The following QSOX2 variants were observed in gnomAD, a reference collection of about 807,000 sequenced individuals.
QSOX2 encodes the protein quiescin sulfhydryl oxidase 2, also known as sulfhydryl oxidase 2.
Under a neutral mutation model 61.7 loss-of-function variants are expected in QSOX2, and 46 were observed. The ratio of observed to expected loss-of-function variants is 0.75; its 90% confidence interval spans 0.59 to 0.95. The LOEUF (loss-of-function observed/expected upper bound fraction) is 0.95. Among genes scored for constraint, QSOX2 ranks in the 40% least tolerant of loss-of-function variants. The probability of loss-of-function intolerance (pLI) is 0.00; values close to 1 mark genes in which losing one functional copy is unlikely to be tolerated. For missense variants in QSOX2, 879 were observed against 918.9 expected, an observed-to-expected ratio of 0.96 and a Z score of 0.56; for synonymous variants, 383 against 388.4, an observed-to-expected ratio of 0.99 and a Z score of 0.16.
intron 1 of QSOX2, among the ~76,000 whole-genome samples, chr9:136,240,083 C>T (rs1048101932): frequency 7.1e-6 from 1 of 140,150 alleles, no homozygotes; most frequent in Non-Finnish European, 1.5e-5. Flanking sequence ...TTAGAGCCAG[C>T]TGAGAGGCAC....
At chr9:136,219,247 T>C in intron 6 of QSOX2, 83 bp from the exon 7 acceptor site, 1 of 1,486,612 alleles carries the variant, frequency 6.7e-7, no homozygotes, top group Non-Finnish European at 9.0e-7. Flanking sequence ...AGGACAGCTC[T>C]GGGCCACCCC....
intron 1 of QSOX2, among the ~76,000 whole-genome samples, chr9:136,228,665 G>A (rs929510998): frequency 3.9e-5 from 6 of 152,220 alleles, no homozygotes; most frequent in East Asian, 1.9e-4. Flanking sequence ...GTGCAGAGGC[G>A]AGACCCAGGC....
At chr9:136,226,246 T>C (rs1047911771) in intron 2 of QSOX2, among the ~76,000 whole-genome samples, 1 of 152,180 alleles carries the variant, frequency 6.6e-6, no homozygotes, top group African/African-American at 2.4e-5. Flanking sequence ...GGTACACACA[T>C]GCTATGCACG....
Position 136,222,582 on chromosome 9 carries a change from G to A in QSOX2, c.676-641C>T, listed in dbSNP as rs74526389. Among the ~76,000 whole-genome samples, 6,789 of 152,276 alleles carry A rather than the reference G, an allele frequency of 0.045. 224 individuals are homozygous for A. The highest frequency in any genetic ancestry group is 0.066 in the Non-Finnish European group (4,508 of 68,026). ...TGTGAACTGGGCGCCCCGCGTGGCCGTGCCTCTCCTGAGCTGGGTGTGTCT... is the reference window on the plus strand; with the variant it reads ...TGTGAACTGGGCGCCCCGCGTGGCCATGCCTCTCCTGAGCTGGGTGTGTCT... On this transcript the variant is annotated intron_variant, in intron 5 of 11. Transcript: ENST00000358701. This position sits in a 1 kb window ranked among gnomAD's most constrained non-coding sequence, Gnocchi z 6.9.
At chr9:136,214,341 C>T (rs116408628) in intron 10 of QSOX2, among the ~76,000 whole-genome samples, 2,618 of 152,334 alleles carry the variant, frequency 0.017, 68 homozygotes, top group African/African-American at 0.059. Context: ...CCTATACTCA[C>T]GCCTCCTGTA....
chr9:136,232,451 T>C (rs1415773573), intron 1 of QSOX2, among the ~76,000 whole-genome samples: 2 of 152,118 alleles, frequency 1.3e-5, no homozygotes, highest in Admixed American at 6.5e-5. Context: ...CCTAGAAATA[T>C]ACAAAAAATT....
At chr9:136,228,095 G>A (rs1830299340) in intron 1 of QSOX2, among the ~76,000 whole-genome samples, 1 of 152,170 alleles carries the variant, frequency 6.6e-6, no homozygotes, top group Non-Finnish European at 1.5e-5. Flanking sequence ...TGGCATTTCT[G>A]TAACAGGGCA....
chr9:136,235,744 G>A (rs140480003), intron 1 of QSOX2, among the ~76,000 whole-genome samples: 23 of 152,316 alleles, frequency 1.5e-4, no homozygotes, highest in South Asian at 4.1e-4. Context: ...CAGGCGACCC[G>A]TGGAGCTCTG....
intron 1 of QSOX2, among the ~76,000 whole-genome samples, chr9:136,235,783 G>A (rs56362534): frequency 1.3e-5 from 2 of 152,294 alleles, no homozygotes; most frequent in Non-Finnish European, 2.9e-5. Flanking sequence ...TGGCCCAGTG[G>A]TGGCCAAGGC....
chr9:136,235,016 T>C (rs1830368601), intron 1 of QSOX2, among the ~76,000 whole-genome samples: 1 of 152,166 alleles, frequency 6.6e-6, no homozygotes, highest in Non-Finnish European at 1.5e-5. Context: ...GCTGTTCAAC[T>C]GGTTCCCCCG....
intron 6 of QSOX2, among the ~76,000 whole-genome samples, chr9:136,220,642 C>T (rs1223242060): frequency 6.6e-6 from 1 of 152,150 alleles, no homozygotes; most frequent in Non-Finnish European, 1.5e-5. Context: ...TGTCCTTCTC[C>T]CCAAGGTGAG....
intron 2 of QSOX2, among the ~76,000 whole-genome samples, chr9:136,226,435 A>G (rs1197040025): frequency 6.6e-6 from 1 of 152,206 alleles, no homozygotes; most frequent in Non-Finnish European, 1.5e-5. Flanking sequence ...GCGTGGCTTC[A>G]GGCTGGGGTG....
intron 10 of QSOX2, among the ~76,000 whole-genome samples, chr9:136,213,886 C>T (rs1415592445): frequency 5.3e-5 from 8 of 152,190 alleles, no homozygotes; most frequent in African/African-American, 1.7e-4. Flanking sequence ...CAGACACACA[C>T]GAGTGAGCCC....
chr9:136,224,203 G>A, intron 3 of QSOX2, 91 bp from the exon 4 acceptor site: 1 of 989,262 alleles, frequency 1.0e-6, no homozygotes, highest in Middle Eastern at 2.7e-4. Context: ...GTCCCAGCCT[G>A]GGGCCCAAAG....
chr9:136,230,515 C>T (rs1830320302), intron 1 of QSOX2, among the ~76,000 whole-genome samples: 1 of 152,192 alleles, frequency 6.6e-6, no homozygotes, highest in African/African-American at 2.4e-5. Context: ...AGCTCATCCA[C>T]CGCAGGGCGC....
intron 1 of QSOX2, among the ~76,000 whole-genome samples, chr9:136,237,417 G>C: frequency 6.8e-6 from 1 of 146,172 alleles, no homozygotes; most frequent in African/African-American, 2.6e-5. Context: ...TCCTGGGCCT[G>C]CATCACCTGG....
In QSOX2 at chr9:136,209,561, C is replaced by T. The variant is rs1199404414; in HGVS notation, c.1550-286G>A. On this transcript the variant is annotated intron_variant, in intron 11 of 11. Transcript: ENST00000358701. This position sits in a 1 kb window ranked among gnomAD's most constrained non-coding sequence, Gnocchi z 5.6. ...GCTCGGCCTCCGCCACTTCCCAGAC[C>T]ACACCTGTCCCAAACCACCCAGCAC... is the stretch of plus-strand genomic sequence containing the variant. The T allele has an allele frequency of 1.0e-6, 1 of 985,260 alleles. No homozygotes were observed. The highest frequency in any genetic ancestry group is 6.1e-5 in the Admixed American group (1 of 16,270). The allele number at this position is 985,260 out of a possible 1,614,324, so 61.0% of individuals were successfully genotyped here.
chr9:136,228,069 C>T (rs1367780143), intron 1 of QSOX2, among the ~76,000 whole-genome samples: 1 of 152,184 alleles, frequency 6.6e-6, no homozygotes, highest in Non-Finnish European at 1.5e-5. Flanking sequence ...GTTTGACTGA[C>T]AACATCCCGG....
rs182016156 is a variant in QSOX2 at position 136,242,613 on chromosome 9, G to A, written c.328+2863C>T. Among the ~76,000 whole-genome samples, 315 of 152,386 alleles carry A rather than the reference G, an allele frequency of 2.1e-3. 3 individuals carry two copies. The highest frequency in any genetic ancestry group is 7.5e-3 in the African/African-American group (310 of 41,590). ...TGCAGCCAGACCCCTGCACTGCCAC[G>A]GGCAATGGGCGCCCTATCCCTGTGG... is the stretch of plus-strand genomic sequence containing the variant. On this transcript the variant is annotated intron_variant, in intron 1 of 11. Transcript: ENST00000358701.
Sources: gnomAD v4.1 joint callset for allele counts (sites outside exome capture counted in the v4.1 genomes callset) on GRCh38, gnomAD v4.1.1 for gene constraint, Gnocchi (gnomAD v3.1) non-coding constraint, MANE v1.5 for transcripts, NCBI Gene and HGNC (gene_info 2026-07-23, HGNC 2026-07-21) for gene names.